EML5: variants seen among roughly 807,000 people sequenced by gnomAD.
EML5 encodes the protein echinoderm microtubule-associated protein-like 5.
Under a neutral mutation model 250.0 loss-of-function variants are expected in EML5, and 120 were observed. That is an observed-to-expected ratio of 0.48 (90% confidence interval 0.41 to 0.56). The LOEUF is 0.56. Ranked by LOEUF, EML5 falls within the 20% of genes least tolerant of loss-of-function variation. EML5 has a pLI of 0.00. For missense variants in EML5, 2,006 were observed against 2,437.6 expected (o/e 0.82, Z 3.73); for synonymous variants, 771 against 806.5 (o/e 0.96, Z 0.75).
intron 31 of EML5, among the ~76,000 whole-genome samples, chr14:88,641,332 C>T (rs1567048715): frequency 6.6e-6 from 1 of 151,954 alleles, no homozygotes; most frequent in East Asian, 1.9e-4. Flanking sequence ...GCCAATATTC[C>T]CATAGAAAAC....
chr14:88,757,768 ATTTC>A (rs1254521544), intron 1 of EML5, among the ~76,000 whole-genome samples: 1 of 151,796 alleles, frequency 6.6e-6, no homozygotes, highest in Non-Finnish European at 1.5e-5. Context: ...ATAATATACC[ATTTC>A]TTTTTTTCTT....
chr14:88,664,424 G>T, intron 23 of EML5, 69 bp downstream of exon 23: 1 of 1,294,498 alleles, frequency 7.7e-7, no homozygotes, highest in Non-Finnish European at 1.0e-6. Context: ...TCACTTTTCC[G>T]TTTCTCTAAT....
chr14:88,707,013 A>G (rs1302216311), intron 10 of EML5, among the ~76,000 whole-genome samples: 1 of 152,174 alleles, frequency 6.6e-6, no homozygotes, highest in African/African-American at 2.4e-5. Context: ...AAAAATCCAG[A>G]TATTTAAAAA....
At chr14:88,671,970 C>A (rs2092474144) in intron 21 of EML5, among the ~76,000 whole-genome samples, 1 of 152,000 alleles carries the variant, frequency 6.6e-6, no homozygotes, top group Non-Finnish European at 1.5e-5. Flanking sequence ...ACTTTAACAC[C>A]CTACTGTCAA....
intron 1 of EML5, among the ~76,000 whole-genome samples, chr14:88,760,333 G>A (rs1480928872): frequency 7.9e-6 from 1 of 126,760 alleles, no homozygotes; most frequent in African/African-American, 3.2e-5. Context: ...AAAGTGTAAT[G>A]TAGGTTATAG....
At chr14:88,783,155 G>A (rs775809466) in intron 1 of EML5, among the ~76,000 whole-genome samples, 2 of 152,198 alleles carry the variant, frequency 1.3e-5, no homozygotes, top group Admixed American at 6.5e-5. Flanking sequence ...TGTTGCAGGG[G>A]CGGAGCCCTC....
At chr14:88,737,878 T>C (rs543812762) in intron 6 of EML5, among the ~76,000 whole-genome samples, 1 of 152,324 alleles carries the variant, frequency 6.6e-6, no homozygotes, top group South Asian at 2.1e-4. Flanking sequence ...CTTTATAGAA[T>C]TGTATTCTTT....
At chr14:88,616,267 CAG>C in intron 42 of EML5, 25 bp from the exon 43 acceptor site, 1 of 1,608,920 alleles carries the variant, frequency 6.2e-7, no homozygotes, top group East Asian at 2.2e-5. Flanking sequence ...CAGACAAGCT[CAG>C]GGCATTTGGT....
intron 13 of EML5, among the ~76,000 whole-genome samples, chr14:88,703,347 A>G (rs1245591174): frequency 6.6e-6 from 1 of 152,204 alleles, no homozygotes; most frequent in Non-Finnish European, 1.5e-5. Flanking sequence ...GGGAGGGCAG[A>G]GGTGGGAGAA....
intron 1 of EML5, among the ~76,000 whole-genome samples, chr14:88,776,244 C>T (rs61982733): frequency 0.24 from 36,020 of 152,020 alleles, 4,462 homozygotes; most frequent in East Asian, 0.37. Context: ...TCCAAGAAAA[C>T]ATGACCTAAC....
rs1430410975 is a variant in EML5 at position 88,736,501 on chromosome 14, T to G, written c.912A>C (p.Glu304Asp). 3.1e-6 allele frequency: 5 copies of G among 1,613,866 alleles called. No individual in the cohort carries two copies. The highest frequency in any genetic ancestry group is 4.2e-6 in the Non-Finnish European group (5 of 1,179,900). ...DHILVGTQDS[E>D]IFEIVVQERN... ...TTTCTTGCACCACAATTTCAAAAAT[T>G]TCACTGTCCTGTGTTCCAACTAGAA... Residue 304 changes from glutamate to aspartate, a missense_variant, in exon 7 of 44, where the codon GAA becomes GAC. Transcript: ENST00000554922.
chr14:88,776,091 T>C (rs563317423), intron 1 of EML5, among the ~76,000 whole-genome samples: 1 of 152,306 alleles, frequency 6.6e-6, no homozygotes, highest in African/African-American at 2.4e-5. Context: ...CAGATACAGC[T>C]TAGATCACAA....
chr14:88,723,969 A>C (rs999070934), intron 8 of EML5, among the ~76,000 whole-genome samples: 2 of 152,050 alleles, frequency 1.3e-5, no homozygotes, highest in Admixed American at 1.3e-4. Flanking sequence ...CTCCTGGTGC[A>C]GGTACTTTAA....
rs1567021388 is a variant in EML5, at chr14:88,622,652, A to C, written c.4965T>G (p.Leu1655=). ...QELRRCRAFR[L]ETGQATDCVR... is the part of the protein sequence containing the mutation. ...CACAATCTGTGGCTTGTCCTGTCTCAAGCCTGAAGGCACGGCACCGCCTCA... is the reference window on the plus strand; with the variant it reads ...CACAATCTGTGGCTTGTCCTGTCTCCAGCCTGAAGGCACGGCACCGCCTCA... Residue 1655 remains leucine, a synonymous_variant, in exon 37 of 44, where the codon CTT becomes CTG. Coordinates refer to ENST00000554922, the MANE Select transcript of EML5 (RefSeq NM_183387.3). The C allele has an allele frequency of 1.9e-6, 3 of 1,611,574 alleles. No homozygotes were observed. The highest frequency in any genetic ancestry group is 2.5e-6 in the Non-Finnish European group (3 of 1,178,820).
At chr14:88,746,987 C>G (rs559512737) in intron 2 of EML5, among the ~76,000 whole-genome samples, 2 of 152,100 alleles carry the variant, frequency 1.3e-5, no homozygotes, top group Non-Finnish European at 2.9e-5. Context: ...TCAGGGTTGG[C>G]TGTGTCTTCA....
intron 21 of EML5, among the ~76,000 whole-genome samples, chr14:88,680,594 C>T (rs1405513203): frequency 6.6e-6 from 1 of 152,050 alleles, no homozygotes; most frequent in Non-Finnish European, 1.5e-5. Context: ...AAGGGACATA[C>T]ATTAACTGTA....
At chr14:88,660,347 G>GAATAATAAATAAA (rs2092040916) in intron 25 of EML5, among the ~76,000 whole-genome samples, 4 of 151,716 alleles carry the variant, frequency 2.6e-5, no homozygotes, top group South Asian at 2.1e-4. Flanking sequence ...TTATTTCCGT[G>GAATAATAAATAAA]TTAAGGAAAA....
At chr14:88,761,452 T>C (rs749184716) in intron 1 of EML5, among the ~76,000 whole-genome samples, 1 of 152,206 alleles carries the variant, frequency 6.6e-6, no homozygotes, top group Non-Finnish European at 1.5e-5. Flanking sequence ...CATGTGGTGT[T>C]TGGTTTTCTG....
At chr14:88,656,137 A>T (rs576314034) in intron 27 of EML5, among the ~76,000 whole-genome samples, 1 of 152,364 alleles carries the variant, frequency 6.6e-6, no homozygotes, top group East Asian at 1.9e-4. Flanking sequence ...AAAGGATTAT[A>T]AATCATTCTA....
Sources: allele counts gnomAD v4.1 joint callset (sites outside exome capture counted in the v4.1 genomes callset), GRCh38; gene constraint gnomAD v4.1.1; transcripts MANE v1.5; gene names NCBI Gene and HGNC (gene_info 2026-07-23, HGNC 2026-07-21).